The following ZCCHC14 variants were observed in gnomAD, a reference collection of about 807,000 sequenced individuals.
ZCCHC14 encodes the protein zinc finger CCHC domain-containing protein 14.
In ZCCHC14, 16 loss-of-function variants were observed where a neutral mutation model predicts 85.0. The ratio of observed to expected loss-of-function variants is 0.19; its 90% CI spans 0.13 to 0.29. ZCCHC14 has a LOEUF of 0.29. ZCCHC14 is among the 10% of genes least tolerant of loss of function. The pLI, the probability that ZCCHC14 is intolerant of heterozygous loss-of-function variation, is 1.00. For synonymous variants in ZCCHC14, 775 were observed against 630.7 expected, an observed-to-expected ratio of 1.23 and a Z score of -3.43; for missense variants, 1,303 against 1,443.5, an observed-to-expected ratio of 0.90 and a Z score of 1.58.
chr16:87,435,902 CCTGA>C, intron 2 of ZCCHC14, among the ~76,000 whole-genome samples: 1 of 152,270 alleles, frequency 6.6e-6, no homozygotes, highest in Admixed American at 6.5e-5. Flanking sequence ...GCTGTTCCTG[CCTGA>C]CTTCCTCAGT....
rs2241616 is a variant in ZCCHC14, at chr16:87,407,511, A to C, written c.*2769T>G. The stretch of plus-strand genomic sequence containing the variant: ...TAGAAAACTGAGTGTTTTGCTTAAA[A>C]AATAAAAAAGGATTAAATAGCTGTT... On this transcript the variant is annotated 3_prime_UTR_variant, in exon 13 of 13. Coordinates refer to ENST00000671377, the MANE Select transcript of ZCCHC14 (RefSeq NM_015144.3). 5.3e-5 allele frequency: 8 copies of C among 152,364 alleles called. No homozygotes were observed. The East Asian group carries it at 1.3e-3, about 26-fold the overall frequency. The allele number at this position is 152,364 out of a possible 1,614,324, so 9.4% of individuals were successfully genotyped here.
chr16:87,480,275 T>C (rs1912206298), intron 1 of ZCCHC14, among the ~76,000 whole-genome samples: 1 of 151,836 alleles, frequency 6.6e-6, no homozygotes, highest in African/African-American at 2.4e-5. Context: ...TGGTGGTGGG[T>C]GCTTGTAGTT....
intron 1 of ZCCHC14, among the ~76,000 whole-genome samples, chr16:87,479,267 T>G (rs1368034469): frequency 6.6e-6 from 1 of 151,814 alleles, no homozygotes; most frequent in Non-Finnish European, 1.5e-5. Context: ...AATACAAAAA[T>G]TAGCCGGGTG....
intron 1 of ZCCHC14, among the ~76,000 whole-genome samples, chr16:87,477,153 C>CAAAAAAAAAAAAAAAAAA (rs1412376609): frequency 6.9e-5 from 8 of 116,204 alleles, no homozygotes; most frequent in African/African-American, 3.1e-4. Context: ...AAAACAAAAC[C>CAAAAAAAAAAAAAAAAAA]AAAAAAAAAT....
At chr16:87,478,055 T>C (rs1485549479) in intron 1 of ZCCHC14, among the ~76,000 whole-genome samples, 2 of 152,252 alleles carry the variant, frequency 1.3e-5, no homozygotes, top group Non-Finnish European at 2.9e-5. Context: ...CCTCACCTCA[T>C]ATCTTTATTA....
rs75360198 is a variant in ZCCHC14 at position 87,408,937 on chromosome 16, G to A, written c.*1343C>T. On this transcript the variant is annotated 3_prime_UTR_variant, in exon 13 of 13. Coordinates refer to ENST00000671377, the MANE Select transcript of ZCCHC14 (RefSeq NM_015144.3). ...TTGAAGACTTTAGCATTTTCGATAA[G>A]AGTATTATTTGAGCAGAAAATTCCC... The A allele has an allele frequency of 6.2e-3, 943 of 152,342 alleles. 6 individuals are homozygous for A. Among genetic ancestry groups the A allele is most frequent in the Non-Finnish European group, 9.9e-3 (673 of 67,738 alleles). 9.4% of individuals were successfully genotyped at this position (152,342 alleles called of 1,614,324 possible). A position where few individuals can be genotyped will look rare whatever the true frequency, so the allele number is the denominator to read the frequency against.
intron 2 of ZCCHC14, among the ~76,000 whole-genome samples, chr16:87,436,904 T>C (rs565673461): frequency 3.5e-4 from 53 of 152,274 alleles, no homozygotes; most frequent in African/African-American, 1.2e-3. Flanking sequence ...TTCTGTAATG[T>C]GGTTTTGCCA....
In ZCCHC14 at chr16:87,449,706, C is replaced by A. The variant is rs552465621; in HGVS notation, c.694+10302G>T. ...TTACAAAATTATGCTTAAAAAATCA[C>A]AGTAAAGGGAATATTATTTATGGTA... On this transcript the variant is annotated intron_variant, in intron 2 of 12. Transcript: ENST00000671377. Among the ~76,000 whole-genome samples the A allele has an allele frequency of 2.0e-5, 3 of 152,258 alleles. No homozygotes were observed. In the East Asian group the frequency reaches 5.8e-4, roughly 29 times the overall value.
At chr16:87,423,945 G>A in intron 3 of ZCCHC14, 64 bp from the exon 4 acceptor site, 2 of 1,559,970 alleles carry the variant, frequency 1.3e-6, no homozygotes, top group Non-Finnish European at 1.8e-6. Context: ...CCCAGCACGT[G>A]TCCTGGTACG....
At position 87,412,193 on chromosome 16, in the gene ZCCHC14, G is replaced by C. The variant is rs775667368; in HGVS notation, c.2528C>G (p.Thr843Ser). ...LQGGFCANSN[T>S]ASPSSHPSTS... Reference sequence around the variant, plus strand: ...GGAGGGGTGGCTGCTGGGAGAGGCAGTGTTGCTGTTTGCACAGAAGCCACC... The same window carrying C: ...GGAGGGGTGGCTGCTGGGAGAGGCACTGTTGCTGTTTGCACAGAAGCCACC... Residue 843 changes from threonine (T) to serine (S), a missense_variant, in exon 12 of 13, where the codon ACT becomes AGT. Thr to Ser is a moderately conservative substitution (Grantham distance 58). Transcript: ENST00000671377. 83 of 1,613,916 alleles carry C rather than the reference G, an allele frequency of 5.1e-5. No individual in the cohort carries two copies. The highest frequency in any genetic ancestry group is 6.7e-5 in the Non-Finnish European group (79 of 1,180,058).
intron 2 of ZCCHC14, among the ~76,000 whole-genome samples, chr16:87,441,982 G>C (rs1342704778): frequency 1.3e-5 from 2 of 152,214 alleles, no homozygotes; most frequent in African/African-American, 4.8e-5. Context: ...ATGAAGATGG[G>C]GATGGTCACT....
intron 1 of ZCCHC14, chr16:87,471,758 G>A (rs578114614): frequency 6.6e-6 from 1 of 152,366 alleles, no homozygotes; most frequent in Admixed American, 6.5e-5. Context: ...GAGCCCTAGG[G>A]AGGCTAAAGA....
At position 87,467,489 on chromosome 16, in the gene ZCCHC14, C is replaced by T. The variant is rs113708765; in HGVS notation, c.571-7358G>A. On this transcript the variant is annotated intron_variant, in intron 1 of 12. Transcript: ENST00000671377. ...TGAGTACCTCTGGAGGACAGATGTA[C>T]CACTATGACATGAATACAGCATCCC... 1.0e-3 allele frequency: 1,680 copies of T among 1,606,304 alleles called. 8 individuals are homozygous for T. The African/African-American group carries it at 0.02, about 19-fold the overall frequency.
At chr16:87,485,789 C>T (rs1007472943) in intron 1 of ZCCHC14, among the ~76,000 whole-genome samples, 4 of 152,058 alleles carry the variant, frequency 2.6e-5, no homozygotes, top group African/African-American at 9.7e-5. Context: ...AGTTTTAAGA[C>T]TCATGTAGAT....
Position 87,412,290 on chromosome 16 carries a change from T to C in ZCCHC14, c.2431A>G (p.Thr811Ala). 1 of 1,613,920 alleles carries C rather than the reference T, an allele frequency of 6.2e-7. No individual in the cohort carries two copies. The part of the protein sequence containing the change: ...SVPPAIINPR[T>A]ALYTANTKVA... ...TTGGTGTTGGCTGTGTACAGAGCAGTCCGGGGGTTTATTATTGCAGGGGGC... is the reference window on the plus strand; with the variant it reads ...TTGGTGTTGGCTGTGTACAGAGCAGCCCGGGGGTTTATTATTGCAGGGGGC... Residue 811 changes from threonine to alanine, a missense_variant, in exon 12 of 13, where the codon ACT becomes GCT. Around this residue, in one of 7 missense-constraint regions of ZCCHC14, gnomAD observed 797 missense variants for 730.8 expected, o/e 1.09. Transcript: ENST00000671377.
chr16:87,414,520 G>A lies in ZCCHC14; in HGVS notation c.1497C>T (p.Cys499=), dbSNP rs1292448338. 1.2e-6 allele frequency: 2 copies of A among 1,612,302 alleles called. No homozygotes were observed. Among genetic ancestry groups the A allele is most frequent in the Non-Finnish European group, 1.7e-6 (2 of 1,179,070 alleles). ...CCAGCGGCGGGGCCGAGGGGTTCAGGCACCGTCTCTCTGACTTCTCCCTGT... is the reference window on the plus strand; with the variant it reads ...CCAGCGGCGGGGCCGAGGGGTTCAGACACCGTCTCTCTGACTTCTCCCTGT... ...ELEKEKSERR[C]LNPSAPPLVT... is the part of the protein sequence containing the mutation. Residue 499 remains cysteine (C), a synonymous_variant, in exon 10 of 13, where the codon TGC becomes TGT. Coordinates refer to ENST00000671377, the MANE Select transcript of ZCCHC14 (RefSeq NM_015144.3).
At chr16:87,428,442 T>C (rs940849394) in intron 3 of ZCCHC14, among the ~76,000 whole-genome samples, 2 of 152,246 alleles carry the variant, frequency 1.3e-5, no homozygotes, top group African/African-American at 2.4e-5. Context: ...CACAGTATAA[T>C]TGCTATTTAT....
intron 1 of ZCCHC14, among the ~76,000 whole-genome samples, chr16:87,490,506 C>CTGGG (rs1424364843): frequency 6.6e-6 from 1 of 152,212 alleles, no homozygotes; most frequent in Non-Finnish European, 1.5e-5. Flanking sequence ...ATAGCTGGAG[C>CTGGG]CCCAGACACT....
intron 8 of ZCCHC14, 143 bp from the exon 9 acceptor site, chr16:87,415,510 G>A (rs895028910): frequency 1.4e-6 from 1 of 690,018 alleles, no homozygotes; most frequent in Non-Finnish European, 2.4e-6. Context: ...TTACAAGCTG[G>A]GAAATCCTAG....
Sources: allele counts gnomAD v4.1 joint callset (sites outside exome capture counted in the v4.1 genomes callset), GRCh38; gene constraint gnomAD v4.1.1; regional missense constraint gnomAD v4.1.1; transcripts MANE v1.5; gene names NCBI Gene and HGNC (gene_info 2026-07-23, HGNC 2026-07-21).